SH2D6: variants seen among roughly 807,000 people sequenced by gnomAD.
SH2D6 encodes the protein SH2 domain-containing protein 6.
A neutral mutation model predicts 30.2 loss-of-function variants in SH2D6; 31 were observed. The ratio of observed to expected loss-of-function variants is 1.03; its 90% confidence interval spans 0.77 to 1.38. The LOEUF (loss-of-function observed/expected upper bound fraction) is 1.38, where lower values mean the gene tolerates loss of function less well. Among genes scored for constraint, SH2D6 ranks in the 40% most tolerant of loss-of-function variants. The pLI, the probability that SH2D6 is intolerant of heterozygous loss-of-function variation, is 0.00. For synonymous variants in SH2D6, 93 were observed against 104.6 expected (o/e 0.89, Z 0.68); for missense variants, 240 against 266.8 (o/e 0.90, Z 0.70).
chr2:85,421,120 C>T (rs1432347394), intron 2 of SH2D6, among the ~76,000 whole-genome samples: 1 of 152,210 alleles, frequency 6.6e-6, no homozygotes, highest in African/African-American at 2.4e-5. Context: ...GGCTCCCAGG[C>T]TCTGTGCTGA....
chr2:85,427,898 T>C (rs1197189922), intron 6 of SH2D6, among the ~76,000 whole-genome samples: 2 of 152,098 alleles, frequency 1.3e-5, no homozygotes, highest in Non-Finnish European at 2.9e-5. Flanking sequence ...TCTCCATCCC[T>C]GGGTGTCTCC....
chr2:85,434,744 G>T (rs1689200749), intron 19 of SH2D6: 1 of 1,444,372 alleles, frequency 6.9e-7, no homozygotes, highest in Non-Finnish European at 9.1e-7. Flanking sequence ...TACTGAGGAT[G>T]TCCCTGAAGC....
intron 5 of SH2D6, among the ~76,000 whole-genome samples, chr2:85,425,066 GAAATAAAT>G (rs374294558): frequency 2.6e-5 from 4 of 151,488 alleles, no homozygotes; most frequent in East Asian, 1.9e-4. Context: ...ACTCCATCTC[GAAATAAAT>G]AAATAAATAA....
At chr2:85,420,005 G>T (rs1002348135) in intron 2 of SH2D6, among the ~76,000 whole-genome samples, 1 of 152,148 alleles carries the variant, frequency 6.6e-6, no homozygotes, top group Non-Finnish European at 1.5e-5. Context: ...TAGCCCTTTT[G>T]CCCCTAGAGA....
chr2:85,434,828 C>G, intron 19 of SH2D6: 1 of 1,479,878 alleles, frequency 6.8e-7, no homozygotes, highest in African/African-American at 1.4e-5. Context: ...AATCAGGAAG[C>G]TCCTAGTCTG....
Position 85,428,614 on chromosome 2 carries a change from C to T in SH2D6, c.-178C>T, listed in dbSNP as rs985709771. The T allele has an allele frequency of 6.6e-5, 10 of 152,184 alleles. No individual in the cohort carries two copies. Among genetic ancestry groups the T allele is most frequent in the African/African-American group, 1.4e-4 (6 of 41,438 alleles). The allele number at this position is 152,184 out of a possible 1,614,324, so 9.4% of individuals were successfully genotyped here. A position where few individuals can be genotyped will look rare whatever the true frequency, so the allele number is the denominator to read the frequency against. On this transcript the variant is annotated 5_prime_UTR_variant, in exon 7 of 24. Coordinates refer to ENST00000469800, the MANE Select transcript of SH2D6 (RefSeq NM_001394463.1). ...AGGCCATGTGAGGACACAGAGAAAG[C>T]AGCCGTTTACAAGCCAAGAAGAGAG...
chr2:85,419,627 A>G (rs774089882), intron 2 of SH2D6, among the ~76,000 whole-genome samples: 34 of 152,216 alleles, frequency 2.2e-4, no homozygotes, highest in Admixed American at 5.2e-4. Flanking sequence ...TTCTGTCTCC[A>G]ACTCCATTTT....
At position 85,435,710 on chromosome 2, in the gene SH2D6, C is replaced by T. The variant is rs776424541; in HGVS notation, c.777C>T (p.Ser259=). The T allele has an allele frequency of 7.4e-6, 12 of 1,613,324 alleles. No individual in the cohort carries two copies. Among genetic ancestry groups the T allele is most frequent in the African/African-American group, 1.3e-5 (1 of 75,038 alleles). ...TVRPSSGPHG[S]QPFTLAVLLR... is the part of the protein sequence containing the mutation. ...GCCCCAGCTCAGGGCCTCATGGCTC[C>T]CAGCCCTTCACCCTGGCAGTGCTTC... The change falls in exon 22 of 24, where the codon TCC becomes TCT. Residue 259 remains serine (S), a synonymous_variant. Coordinates refer to ENST00000469800, the MANE Select transcript of SH2D6 (RefSeq NM_001394463.1).
At chr2:85,434,008 C>T in intron 16 of SH2D6, 25 bp from the exon 17 acceptor site, 3 of 1,545,528 alleles carry the variant, frequency 1.9e-6, no homozygotes, top group East Asian at 2.4e-5. Flanking sequence ...CTCAGCCGAG[C>T]CCAGCCTGCC....
At chr2:85,427,070 AG>A (rs1688113847) in intron 6 of SH2D6, among the ~76,000 whole-genome samples, 1 of 152,244 alleles carries the variant, frequency 6.6e-6, no homozygotes, top group Admixed American at 6.5e-5. Flanking sequence ...GTGTGAGAGC[AG>A]GGGAAAAATC....
intron 6 of SH2D6, among the ~76,000 whole-genome samples, chr2:85,427,058 T>C (rs749061959): frequency 1.3e-5 from 2 of 152,224 alleles, no homozygotes; most frequent in Non-Finnish European, 2.9e-5. Flanking sequence ...TTGACTGTTA[T>C]TGTGTGAGAG....
chr2:85,423,992 T>C (rs1203629021), intron 5 of SH2D6, among the ~76,000 whole-genome samples: 2 of 152,250 alleles, frequency 1.3e-5, no homozygotes, highest in African/African-American at 4.8e-5. Context: ...CCCCTTACCC[T>C]TGTGGGACCT....
intron 5 of SH2D6, among the ~76,000 whole-genome samples, chr2:85,423,398 A>G (rs1019004900): frequency 1.3e-5 from 2 of 150,788 alleles, no homozygotes; most frequent in South Asian, 4.2e-4. Context: ...CACCCGGTTA[A>G]TTTTTTGTAT....
At chr2:85,427,398 G>A (rs1688138156) in intron 6 of SH2D6, among the ~76,000 whole-genome samples, 2 of 152,232 alleles carry the variant, frequency 1.3e-5, no homozygotes. Context: ...AGGCCACTGA[G>A]GCAGCCCTCT....
intron 6 of SH2D6, among the ~76,000 whole-genome samples, chr2:85,428,070 A>C (rs1688215340): frequency 1.3e-5 from 2 of 152,130 alleles, no homozygotes; most frequent in South Asian, 4.1e-4. Context: ...GTGTTTCCTC[A>C]TTCCCTGACT....
chr2:85,436,125 C>CA (rs1464518129), intron 22 of SH2D6, among the ~76,000 whole-genome samples: 1 of 152,148 alleles, frequency 6.6e-6, no homozygotes, highest in Non-Finnish European at 1.5e-5. Context: ...CCCCAGGACT[C>CA]AATGTCGCAC....
intron 20 of SH2D6, 118 bp from the exon 21 acceptor site, chr2:85,435,295 A>T: frequency 1.5e-6 from 2 of 1,299,964 alleles, no homozygotes; most frequent in Non-Finnish European, 2.2e-6. Context: ...GTTCTGCCTG[A>T]GGGGGACTCA....
chr2:85,435,043 C>T (rs1228863341), intron 19 of SH2D6, 22 bp from the exon 20 acceptor site: 3 of 1,585,598 alleles, frequency 1.9e-6, no homozygotes, highest in African/African-American at 2.7e-5. Flanking sequence ...CCCACCCCAG[C>T]TCAATAATCT....
In SH2D6 at chr2:85,422,283, C is replaced by G. The variant is rs1270752739; in HGVS notation, c.-496C>G. 1 of 151,824 alleles carries G rather than the reference C, an allele frequency of 6.6e-6. No individual in the cohort carries two copies. The highest frequency in any genetic ancestry group is 1.5e-5 in the Non-Finnish European group (1 of 67,972). The allele number at this position is 151,824 out of a possible 1,614,324, so 9.4% of individuals were successfully genotyped here. ...GGCTGAGGCAGGAGGATTGCTTGAG[C>G]CCAGAAGTTCAAGACCAGCCTGGAC... On this transcript the variant is annotated 5_prime_UTR_variant, in exon 3 of 24. Coordinates refer to ENST00000469800, the MANE Select transcript of SH2D6 (RefSeq NM_001394463.1).
Sources: allele counts gnomAD v4.1 joint callset (sites outside exome capture counted in the v4.1 genomes callset), GRCh38; gene constraint gnomAD v4.1.1; transcripts MANE v1.5; gene names NCBI Gene and HGNC (gene_info 2026-07-23, HGNC 2026-07-21).